CDA: variants seen among roughly 807,000 people sequenced by gnomAD.
The protein encoded by CDA is cytidine deaminase, also known as cytidine aminohydrolase.
Under a neutral mutation model 15.0 loss-of-function variants are expected in CDA, and 7 were observed. The ratio of observed to expected loss-of-function variants is 0.47; its 90% CI spans 0.26 to 0.87. The LOEUF (loss-of-function observed/expected upper bound fraction) is 0.87. Among genes scored for constraint, CDA ranks in the 40% least tolerant of loss-of-function variants. CDA has a pLI of 0.15. For synonymous variants in CDA, 58 were observed against 73.0 expected, an observed-to-expected ratio of 0.79 and a Z score of 1.05; for missense variants, 159 against 182.7, an observed-to-expected ratio of 0.87 and a Z score of 0.75.
At chr1:20,612,573 A>C (rs938808025) in intron 2 of CDA, among the ~76,000 whole-genome samples, 3 of 152,066 alleles carry the variant, frequency 2.0e-5, no homozygotes, top group Non-Finnish European at 4.4e-5. Context: ...CAAATCCTAT[A>C]AAACTGCCCC....
chr1:20,605,846 G>A (rs1189716842), intron 2 of CDA, among the ~76,000 whole-genome samples: 3 of 124,210 alleles, frequency 2.4e-5, no homozygotes, highest in Non-Finnish European at 3.6e-5. Flanking sequence ...AAACAAAAAA[G>A]CATTGAGAAC....
intron 1 of CDA, among the ~76,000 whole-genome samples, chr1:20,591,652 T>A (rs1162064841): frequency 3.3e-5 from 5 of 151,996 alleles, no homozygotes; most frequent in African/African-American, 1.2e-4. Context: ...CTGTGGCCCA[T>A]TTGCATTGCA....
chr1:20,608,246 G>T (rs1476092995), intron 2 of CDA, among the ~76,000 whole-genome samples: 1 of 152,120 alleles, frequency 6.6e-6, no homozygotes, highest in Non-Finnish European at 1.5e-5. Flanking sequence ...AAATCCAGCC[G>T]CATTATGGAC....
At chr1:20,611,918 G>A (rs931659744) in intron 2 of CDA, among the ~76,000 whole-genome samples, 3 of 151,560 alleles carry the variant, frequency 2.0e-5, no homozygotes, top group Admixed American at 1.3e-4. Flanking sequence ...GCTGGAGTGC[G>A]GTGGCACAAT....
At position 20,604,937 on chromosome 1, in the gene CDA, T is replaced by C. The variant is rs763523795; in HGVS notation, c.164T>C (p.Ile55Thr). The change falls in exon 2 of 4, where the codon ATA becomes ACA. Residue 55 changes from isoleucine to threonine, a missense_variant. Physicochemically the swap from Ile to Thr is moderately conservative, Grantham distance 89. Transcript: ENST00000375071. The part of the protein sequence containing the change: ...QEGRIFKGCN[I>T]ENACYPLGIC... Reference sequence around the variant, plus strand: ...TCTGCTCTCTTCTCAGGGTGCAACATAGAAAATGCCTGCTACCCGCTGGGC... The same window carrying C: ...TCTGCTCTCTTCTCAGGGTGCAACACAGAAAATGCCTGCTACCCGCTGGGC... The C allele has an allele frequency of 1.9e-6, 3 of 1,611,098 alleles. No homozygotes were observed. Among genetic ancestry groups the C allele is most frequent in the East Asian group, 2.2e-5 (1 of 44,868 alleles).
intron 1 of CDA, among the ~76,000 whole-genome samples, chr1:20,595,409 T>C (rs1235850139): frequency 6.6e-6 from 1 of 152,160 alleles, no homozygotes; most frequent in Non-Finnish European, 1.5e-5. Context: ...TGCATTTTCC[T>C]AGAAGCATTT....
At chr1:20,613,206 ATT>A (rs34293111) in intron 2 of CDA, among the ~76,000 whole-genome samples, 8 of 147,316 alleles carry the variant, frequency 5.4e-5, no homozygotes, top group Non-Finnish European at 7.5e-5. Flanking sequence ...TCCTTCTGCA[ATT>A]TTTTTTTTTT....
chr1:20,599,566 G>A (rs551214547), intron 1 of CDA, among the ~76,000 whole-genome samples: 3 of 148,038 alleles, frequency 2.0e-5, no homozygotes, highest in East Asian at 4.0e-4. Flanking sequence ...GCAGTGAGCC[G>A]AAATTACGCC....
At chr1:20,592,370 G>A (rs1444582571) in intron 1 of CDA, among the ~76,000 whole-genome samples, 1 of 152,084 alleles carries the variant, frequency 6.6e-6, no homozygotes, top group Non-Finnish European at 1.5e-5. Context: ...GTAATAAGAA[G>A]GTCACAAATG....
intron 1 of CDA, among the ~76,000 whole-genome samples, chr1:20,600,907 C>T (rs765308729): frequency 1.3e-5 from 2 of 152,158 alleles, no homozygotes; most frequent in Non-Finnish European, 2.9e-5. Context: ...CAATAAGGGG[C>T]CAGTTATCTC....
chr1:20,601,841 G>A (rs756936205), intron 1 of CDA, among the ~76,000 whole-genome samples: 1 of 152,096 alleles, frequency 6.6e-6, no homozygotes, highest in Non-Finnish European at 1.5e-5. Context: ...TATAAAAGGA[G>A]GTGTAGGCTG....
rs61735379 is a variant in CDA at position 20,604,956 on chromosome 1, G to T, written c.183G>T (p.Pro61=). 2 of 1,613,352 alleles carry T rather than the reference G, an allele frequency of 1.2e-6. No homozygotes were observed. The highest frequency in any genetic ancestry group is 1.7e-5 in the Admixed American group (1 of 59,970). ...GCAACATAGAAAATGCCTGCTACCC[G>T]CTGGGCATCTGTGCTGAACGGACCG... ...KGCNIENACY[P]LGICAERTAI... Residue 61 remains proline, a synonymous_variant, in exon 2 of 4, where the codon CCG becomes CCT. Transcript: ENST00000375071.
At position 20,597,887 on chromosome 1, in the gene CDA, T is replaced by C. The variant is rs562021261; in HGVS notation, c.155-7041T>C. Among the ~76,000 whole-genome samples, 5 of 130,638 alleles carry C rather than the reference T, an allele frequency of 3.8e-5. No homozygotes were observed. In the East Asian group the frequency reaches 7.2e-4, roughly 19 times the overall value. 85.7% of individuals were successfully genotyped at this position (130,638 alleles called of 152,430 possible). The stretch of plus-strand genomic sequence containing the variant: ...GGCAAAGGCTTCCTTCCTTTTTTTT[T>C]ATTTGCCTTTTTTTTTTTTTTTGAG... On this transcript the variant is annotated intron_variant, in intron 1 of 3. Transcript: ENST00000375071.
chr1:20,596,046 G>A (rs796988673), intron 1 of CDA, among the ~76,000 whole-genome samples: 5 of 152,240 alleles, frequency 3.3e-5, no homozygotes, highest in African/African-American at 7.2e-5. Flanking sequence ...CTGCTCAGGA[G>A]GCTGAGGCAG....
At chr1:20,615,411 T>A (rs2052792208) in intron 3 of CDA, among the ~76,000 whole-genome samples, 1 of 140,660 alleles carries the variant, frequency 7.1e-6, no homozygotes, top group Non-Finnish European at 1.5e-5. Flanking sequence ...GGCAGGAGGA[T>A]CGCTTGGGTC....
chr1:20,617,242 G>C (rs2052820890), intron 3 of CDA, among the ~76,000 whole-genome samples: 1 of 152,186 alleles, frequency 6.6e-6, no homozygotes, highest in Admixed American at 6.5e-5. Flanking sequence ...CATAGTATAG[G>C]AGAAAGATCA....
intron 3 of CDA, among the ~76,000 whole-genome samples, chr1:20,616,457 A>G (rs1485115218): frequency 1.3e-5 from 2 of 152,054 alleles, no homozygotes; most frequent in Non-Finnish European, 1.5e-5. Flanking sequence ...CCCAAATCCA[A>G]AAACATACCA....
chr1:20,596,779 G>A (rs1467188773), intron 1 of CDA, among the ~76,000 whole-genome samples: 2 of 34,604 alleles, frequency 5.8e-5, no homozygotes, highest in Non-Finnish European at 1.2e-4. Flanking sequence ...TTTTTTTTTT[G>A]AGACAGGATC....
chr1:20,593,652 G>T (rs143963125), intron 1 of CDA, among the ~76,000 whole-genome samples: 1 of 152,204 alleles, frequency 6.6e-6, no homozygotes, highest in Non-Finnish European at 1.5e-5. Context: ...CTAGTTCACT[G>T]CAGTCTCAAA....
Sources: allele counts gnomAD v4.1 joint callset (sites outside exome capture counted in the v4.1 genomes callset), GRCh38; gene constraint gnomAD v4.1.1; transcripts MANE v1.5; gene names NCBI Gene and HGNC (gene_info 2026-07-23, HGNC 2026-07-21).